CSMD1: variants seen among roughly 807,000 people sequenced by gnomAD.
CSMD1 encodes CUB and Sushi multiple domains 1.
In CSMD1, 213 loss-of-function variants were observed where a neutral mutation model predicts 417.5. That is an observed-to-expected ratio of 0.51 (90% CI 0.46 to 0.57). The LOEUF (loss-of-function observed/expected upper bound fraction) is 0.57. Among genes scored for constraint, CSMD1 ranks in the 20% least tolerant of loss-of-function variants. CSMD1 has a pLI of 0.00. For synonymous variants in CSMD1, 2,862 were observed against 1,736.8 expected (o/e 1.65, Z -16.11); for missense variants, 6,923 against 4,529.7 (o/e 1.53, Z -15.17).
intron 27 of CSMD1, among the ~76,000 whole-genome samples, chr8:3,225,820 G>C (rs1384122045): frequency 6.6e-6 from 1 of 152,314 alleles, no homozygotes; most frequent in Non-Finnish European, 1.5e-5. Context: ...TATTCTTCAA[G>C]TTAGTTTGCT....
Position 4,147,659 on chromosome 8 carries a change from C to T in CSMD1, c.416-115560G>A, listed in dbSNP as rs561327809. ...GCATGAAGGTTACTCTGAGTGCTGG[C>T]TCATGGGAACCCCATTCTTTGAAAT... On this transcript the variant is annotated intron_variant, in intron 3 of 69. Transcript: ENST00000635120. 4.6e-5 allele frequency among the ~76,000 whole-genome samples: 7 copies of T among 152,246 alleles called. No individual in the cohort carries two copies. In the East Asian group the frequency reaches 1.4e-3, roughly 29 times the overall value.
At chr8:3,453,455 A>G (rs1188573989) in intron 12 of CSMD1, among the ~76,000 whole-genome samples, 2 of 152,122 alleles carry the variant, frequency 1.3e-5, no homozygotes, top group Non-Finnish European at 2.9e-5. Context: ...ATTTAGTGCT[A>G]TAAATTTCCC....
intron 54 of CSMD1, among the ~76,000 whole-genome samples, chr8:2,983,254 T>G (rs1036949525): frequency 6.6e-6 from 1 of 152,112 alleles, no homozygotes; most frequent in African/African-American, 2.4e-5. Flanking sequence ...TGGCACAATC[T>G]CGGCTCACTG....
intron 2 of CSMD1, among the ~76,000 whole-genome samples, chr8:4,588,441 A>G (rs1430603848): frequency 1.3e-5 from 2 of 151,602 alleles, no homozygotes; most frequent in African/African-American, 4.8e-5. Context: ...TAGTACAGCC[A>G]GTCTGTCCTC....
intron 1 of CSMD1, among the ~76,000 whole-genome samples, chr8:4,851,742 C>T (rs904650156): frequency 6.6e-6 from 1 of 152,184 alleles, no homozygotes; most frequent in Non-Finnish European, 1.5e-5. Flanking sequence ...AAGACTTCTT[C>T]TTCTTCAAAG....
Position 4,941,938 on chromosome 8 carries a change from C to T in CSMD1, c.85+52394G>A, listed in dbSNP as rs114931196. Among the ~76,000 whole-genome samples the T allele has an allele frequency of 2.8e-3, 427 of 152,250 alleles. 1 individual carries two copies. Among genetic ancestry groups the T allele is most frequent in the African/African-American group, 9.8e-3 (406 of 41,548 alleles). ...GATGATGCTAAATTTGCAAACACAA[C>T]AGTTTTTATCTGCTTCTTCCAGTGA... is the stretch of plus-strand genomic sequence containing the variant. On this transcript the variant is annotated intron_variant, in intron 1 of 69. Coordinates refer to ENST00000635120, the MANE Select transcript of CSMD1 (RefSeq NM_033225.6).
chr8:3,957,654 A>G (rs1222249574), intron 5 of CSMD1, among the ~76,000 whole-genome samples: 1 of 152,160 alleles, frequency 6.6e-6, no homozygotes, highest in African/African-American at 2.4e-5. Context: ...ACTGCACTCC[A>G]GCCTGGGCTA....
At chr8:3,927,558 G>C (rs994293164) in intron 5 of CSMD1, among the ~76,000 whole-genome samples, 2 of 149,618 alleles carry the variant, frequency 1.3e-5, no homozygotes, top group African/African-American at 2.4e-5. Context: ...CCAGCTACTA[G>C]AGAGGCTGAG....
At chr8:3,286,526 G>T (rs1297755605) in intron 25 of CSMD1, among the ~76,000 whole-genome samples, 1 of 152,058 alleles carries the variant, frequency 6.6e-6, no homozygotes, top group African/African-American at 2.4e-5. Flanking sequence ...ATTCTAACTG[G>T]TGTGAGATGG....
chr8:3,216,339 T>C (rs1000673086), intron 29 of CSMD1, among the ~76,000 whole-genome samples: 12 of 152,196 alleles, frequency 7.9e-5, no homozygotes, highest in African/African-American at 2.9e-4. Flanking sequence ...TATTTAATCA[T>C]TCAACACAAT....
At chr8:4,216,475 A>C (rs544455064) in intron 3 of CSMD1, among the ~76,000 whole-genome samples, 1 of 152,262 alleles carries the variant, frequency 6.6e-6, no homozygotes, top group African/African-American at 2.4e-5. Context: ...GTAATTAGTA[A>C]AATTTTACTC....
chr8:4,877,142 T>C (rs914738332), intron 1 of CSMD1, among the ~76,000 whole-genome samples: 2 of 152,062 alleles, frequency 1.3e-5, no homozygotes, highest in African/African-American at 4.8e-5. Context: ...ATGCTCTTTT[T>C]CATGACACAT....
At chr8:4,864,236 T>A (rs1246631340) in intron 1 of CSMD1, among the ~76,000 whole-genome samples, 1 of 151,754 alleles carries the variant, frequency 6.6e-6, no homozygotes, top group Non-Finnish European at 1.5e-5. Context: ...GTGTCCAAAA[T>A]AACATACTTA....
chr8:4,344,053 G>T (rs923479218), intron 3 of CSMD1, among the ~76,000 whole-genome samples: 27 of 152,114 alleles, frequency 1.8e-4, no homozygotes, highest in African/African-American at 6.3e-4. Flanking sequence ...GTGTGTATGT[G>T]CGTGTGCGCA....
chr8:4,142,362 G>A (rs911552402), intron 3 of CSMD1, among the ~76,000 whole-genome samples: 2 of 150,944 alleles, frequency 1.3e-5, no homozygotes, highest in African/African-American at 2.5e-5. Context: ...TTTGGCTGTA[G>A]GCAAATATTA....
intron 5 of CSMD1, among the ~76,000 whole-genome samples, chr8:3,805,523 C>T (rs563904714): frequency 1.3e-5 from 2 of 152,160 alleles, no homozygotes; most frequent in African/African-American, 4.8e-5. Context: ...AGTCCTGGAA[C>T]ACTTTCATCT....
chr8:3,715,655 G>A (rs571737605), intron 6 of CSMD1, among the ~76,000 whole-genome samples: 15 of 152,220 alleles, frequency 9.9e-5, no homozygotes, highest in East Asian at 1.9e-4. Flanking sequence ...TGATTCTCCT[G>A]CCTTGGCCTC....
chr8:3,716,041 G>A (rs1043082911), intron 6 of CSMD1, among the ~76,000 whole-genome samples: 5 of 152,196 alleles, frequency 3.3e-5, no homozygotes, highest in African/African-American at 9.6e-5. Flanking sequence ...AAATATTTTG[G>A]TCGAATGTCC....
At position 3,071,595 on chromosome 8, in the gene CSMD1, A is replaced by T. The variant is rs1813325683; in HGVS notation, c.7474+15502T>A. On this transcript the variant is annotated intron_variant, in intron 49 of 69. Transcript: ENST00000635120. ...AGCCATATGCCCCAAAGTAATTTTC[A>T]ACCTCAAGTGGATTATTTCTCACAT... Among the ~76,000 whole-genome samples, 6 of 152,220 alleles carry T rather than the reference A, an allele frequency of 3.9e-5. 1 individual carries two copies. The South Asian group carries it at 1.2e-3, about 31-fold the overall frequency.
Sources: allele counts gnomAD v4.1 joint callset (sites outside exome capture counted in the v4.1 genomes callset), GRCh38; gene constraint gnomAD v4.1.1; transcripts MANE v1.5; gene names NCBI Gene and HGNC (gene_info 2026-07-23, HGNC 2026-07-21).